The following SOX5 variants were observed in gnomAD, a reference collection of about 807,000 sequenced individuals.
The protein encoded by SOX5 is transcription factor SOX-5.
A neutral mutation model predicts 92.0 loss-of-function variants in SOX5; 9 were observed. The ratio of observed to expected loss-of-function variants is 0.10; its 90% CI spans 0.06 to 0.17. The LOEUF is 0.17. Ranked by LOEUF, SOX5 falls within the 10% of genes least tolerant of loss-of-function variation. The probability of loss-of-function intolerance (pLI) is 1.00; values close to 1 mark genes in which losing one functional copy is unlikely to be tolerated. For synonymous variants in SOX5, 344 were observed against 336.3 expected, an observed-to-expected ratio of 1.02 and a Z score of -0.25; for missense variants, 642 against 944.5, an observed-to-expected ratio of 0.68 and a Z score of 4.20.
intron 1 of SOX5, among the ~76,000 whole-genome samples, chr12:23,938,482 G>A (rs1459525814): frequency 1.3e-5 from 2 of 150,988 alleles, no homozygotes; most frequent in Non-Finnish European, 3.0e-5. Flanking sequence ...AATAGTATGT[G>A]TGTGACTTCT....
At chr12:24,151,145 G>A (rs2138830068) in intron 4 of SOX5, among the ~76,000 whole-genome samples, 2 of 152,198 alleles carry the variant, frequency 1.3e-5, no homozygotes, top group South Asian at 4.2e-4. Context: ...AAGGACTAAA[G>A]GGTGGTTCCA....
intron 2 of SOX5, among the ~76,000 whole-genome samples, chr12:24,317,471 C>G (rs954989538): frequency 1.3e-5 from 2 of 152,212 alleles, no homozygotes; most frequent in Admixed American, 6.5e-5. Flanking sequence ...TTAAGACAGT[C>G]TTGGTCTAGT....
chr12:23,904,132 T>C (rs1444258680), intron 1 of SOX5, among the ~76,000 whole-genome samples: 1 of 152,184 alleles, frequency 6.6e-6, no homozygotes, highest in Non-Finnish European at 1.5e-5. Flanking sequence ...CTGTGAGCAT[T>C]CCATGTAAAT....
chr12:24,247,466 C>A (rs1697810326), intron 3 of SOX5, among the ~76,000 whole-genome samples: 2 of 151,838 alleles, frequency 1.3e-5, no homozygotes, highest in Non-Finnish European at 2.9e-5. Flanking sequence ...ATGCTAAGGC[C>A]CAGGAATAGG....
At chr12:23,774,598 G>A (rs1386851523) in intron 3 of SOX5, among the ~76,000 whole-genome samples, 3 of 152,082 alleles carry the variant, frequency 2.0e-5, no homozygotes, top group African/African-American at 7.2e-5. Flanking sequence ...ATAGTAAATT[G>A]TTAATGTCTT....
At chr12:23,896,059 C>G (rs2097174363) in intron 1 of SOX5, 35 bp from the exon 2 acceptor site, 2 of 1,419,938 alleles carry the variant, frequency 1.4e-6, no homozygotes, top group Non-Finnish European at 9.9e-7. Context: ...ATAATGAAAC[C>G]TCCACATAAA....
chr12:24,208,424 C>G (rs1021680615), intron 4 of SOX5, among the ~76,000 whole-genome samples: 1 of 152,186 alleles, frequency 6.6e-6, no homozygotes, highest in Non-Finnish European at 1.5e-5. Context: ...TCACTATTTT[C>G]CTTTTGTATC....
chr12:23,789,563 C>G (rs890075758), intron 3 of SOX5, among the ~76,000 whole-genome samples: 1 of 152,078 alleles, frequency 6.6e-6, no homozygotes, highest in African/African-American at 2.4e-5. Flanking sequence ...AAATATTAAC[C>G]TAGATCTTGA....
intron 2 of SOX5, among the ~76,000 whole-genome samples, chr12:24,324,274 GA>G (rs571479771): frequency 1.3e-5 from 2 of 150,598 alleles, no homozygotes; most frequent in Admixed American, 6.6e-5. Flanking sequence ...TTTTCTGGGT[GA>G]AAAAAAAATC....
intron 7 of SOX5, among the ~76,000 whole-genome samples, chr12:23,647,776 T>C (rs2138938597): frequency 6.6e-6 from 1 of 152,362 alleles, no homozygotes; most frequent in Admixed American, 6.5e-5. Context: ...TGAAGAGAGT[T>C]ATAGGTCCTT....
intron 1 of SOX5, among the ~76,000 whole-genome samples, chr12:24,429,632 A>ACT (rs755690887): frequency 1.3e-5 from 2 of 151,314 alleles, no homozygotes; most frequent in African/African-American, 4.8e-5. Flanking sequence ...ACATACACAC[A>ACT]CACACACACA....
intron 4 of SOX5, among the ~76,000 whole-genome samples, chr12:24,127,755 A>G (rs1372323175): frequency 6.6e-6 from 1 of 152,160 alleles, no homozygotes; most frequent in African/African-American, 2.4e-5. Context: ...TTCCACCCCA[A>G]TACCACCTCA....
At chr12:23,948,889 A>T (rs1052461091) in intron 1 of SOX5, among the ~76,000 whole-genome samples, 1 of 152,190 alleles carries the variant, frequency 6.6e-6, no homozygotes, top group African/African-American at 2.4e-5. Context: ...AATACAGTAA[A>T]TTAAAATTCA....
At chr12:23,936,219 G>C (rs1015507459) in intron 1 of SOX5, among the ~76,000 whole-genome samples, 2 of 150,936 alleles carry the variant, frequency 1.3e-5, no homozygotes, top group Non-Finnish European at 3.0e-5. Flanking sequence ...TGTAGTATCA[G>C]CTGGGATACA....
intron 1 of SOX5, among the ~76,000 whole-genome samples, chr12:24,504,922 G>A (rs932245260): frequency 2.0e-5 from 3 of 151,586 alleles, no homozygotes; most frequent in Non-Finnish European, 4.4e-5. Flanking sequence ...ATGCAGGTGA[G>A]GAAAAAAAAT....
intron 3 of SOX5, among the ~76,000 whole-genome samples, chr12:23,807,596 G>C (rs188128674): frequency 6.6e-6 from 1 of 151,802 alleles, no homozygotes; most frequent in East Asian, 1.9e-4. Flanking sequence ...CTGACAACTT[G>C]ACTTCAGACT....
chr12:23,824,562 G>A (rs1035518381), intron 3 of SOX5, among the ~76,000 whole-genome samples: 1 of 152,192 alleles, frequency 6.6e-6, no homozygotes, highest in Non-Finnish European at 1.5e-5. Flanking sequence ...CTGCTGGGAC[G>A]TGTCTCCCCG....
Position 24,263,344 on chromosome 12 carries a change from G to A in SOX5, c.-77+13872C>T, listed in dbSNP as rs11047336. On this transcript the variant is annotated intron_variant, in intron 3 of 4. Transcript: ENST00000446891. Reference sequence around the variant, plus strand: ...AGATCGAGACCATCCTGGCTAACACGGTGAAACCCCGTCTCTACTAAAAAC... The same window carrying A: ...AGATCGAGACCATCCTGGCTAACACAGTGAAACCCCGTCTCTACTAAAAAC... 5.0e-3 allele frequency among the ~76,000 whole-genome samples: 755 copies of A among 151,808 alleles called. 10 individuals are homozygous for A. Among genetic ancestry groups the A allele is most frequent in the African/African-American group, 0.017 (715 of 41,442 alleles).
intron 1 of SOX5, among the ~76,000 whole-genome samples, chr12:23,948,340 C>T (rs565035026): frequency 2.0e-5 from 3 of 152,126 alleles, no homozygotes; most frequent in South Asian, 2.1e-4. Context: ...CACATTCAAG[C>T]GTTACTTTAT....
Sources: allele counts gnomAD v4.1 joint callset (sites outside exome capture counted in the v4.1 genomes callset), GRCh38; gene constraint gnomAD v4.1.1; transcripts MANE v1.5; gene names NCBI Gene and HGNC (gene_info 2026-07-23, HGNC 2026-07-21).